Variants in PRKN observed in about 807,000 individuals in gnomAD.
PRKN encodes parkin RBR E3 ubiquitin protein ligase, also known as E3 ubiquitin-protein ligase parkin.
Under a neutral mutation model 59.5 loss-of-function variants are expected in PRKN, and 56 were observed. The ratio of observed to expected loss-of-function variants is 0.94; its 90% CI spans 0.76 to 1.18. The LOEUF (loss-of-function observed/expected upper bound fraction) is 1.18, where lower values mean the gene tolerates loss of function less well. Among genes scored for constraint, PRKN ranks in the 50% most tolerant of loss-of-function variants. PRKN has a pLI of 0.00. For synonymous variants in PRKN, 250 were observed against 222.1 expected (o/e 1.13, Z -1.12); for missense variants, 657 against 596.4 (o/e 1.10, Z -1.06).
chr6:161,661,947 C>G (rs1308955601), intron 7 of PRKN, among the ~76,000 whole-genome samples: 1 of 152,080 alleles, frequency 6.6e-6, no homozygotes, highest in Admixed American at 6.5e-5. Flanking sequence ...CATTTGAACT[C>G]AGGAGGCAGA....
chr6:162,245,039 G>A (rs1240565798), intron 3 of PRKN, among the ~76,000 whole-genome samples: 1 of 152,098 alleles, frequency 6.6e-6, no homozygotes, highest in Non-Finnish European at 1.5e-5. Context: ...TGTAATGGTT[G>A]CAGGGAGCAA....
At chr6:162,625,502 C>T (rs935421627) in intron 1 of PRKN, among the ~76,000 whole-genome samples, 1 of 152,140 alleles carries the variant, frequency 6.6e-6, no homozygotes, top group Non-Finnish European at 1.5e-5. Flanking sequence ...GATGAGAAGG[C>T]AAGTGTCTTC....
intron 7 of PRKN, among the ~76,000 whole-genome samples, chr6:161,628,226 T>A (rs1266104384): frequency 6.6e-6 from 1 of 152,224 alleles, no homozygotes; most frequent in Non-Finnish European, 1.5e-5. Flanking sequence ...TTTGAAGAAA[T>A]GAGTGTCTTA....
intron 1 of PRKN, among the ~76,000 whole-genome samples, chr6:162,616,758 A>G (rs952194747): frequency 2.6e-5 from 4 of 152,206 alleles, no homozygotes; most frequent in Non-Finnish European, 4.4e-5. Context: ...ACATCTTGAC[A>G]TATACATTAT....
At chr6:161,970,464 A>G (rs941295610) in intron 6 of PRKN, among the ~76,000 whole-genome samples, 8 of 151,904 alleles carry the variant, frequency 5.3e-5, no homozygotes, top group African/African-American at 1.9e-4. Context: ...CACACTGCAA[A>G]TAGGCATAAT....
chr6:162,554,425 T>A (rs1183663540), intron 1 of PRKN, among the ~76,000 whole-genome samples: 6 of 151,948 alleles, frequency 3.9e-5, no homozygotes, highest in Non-Finnish European at 7.4e-5. Flanking sequence ...TCACTTGAAC[T>A]CGGGAGGCAG....
At chr6:161,964,209 T>G (rs903345545) in intron 6 of PRKN, among the ~76,000 whole-genome samples, 1 of 152,030 alleles carries the variant, frequency 6.6e-6, no homozygotes, top group African/African-American at 2.4e-5. Context: ...TCAGATGTAA[T>G]TTTTTTAATG....
intron 6 of PRKN, among the ~76,000 whole-genome samples, chr6:161,967,764 G>C (rs140046900): frequency 6.6e-6 from 1 of 152,242 alleles, no homozygotes; most frequent in East Asian, 1.9e-4. Flanking sequence ...TCCCTAAGAG[G>C]TTCTCAGGAG....
intron 1 of PRKN, among the ~76,000 whole-genome samples, chr6:162,618,349 C>T (rs12207841): frequency 0.2 from 29,793 of 152,014 alleles, 3,565 homozygotes; most frequent in East Asian, 0.47. Flanking sequence ...CTATTTTAAG[C>T]GCTACTTGGT....
At position 161,409,941 on chromosome 6, in the gene PRKN, A is replaced by G. The variant is rs1375984106; in HGVS notation, c.1084-23064T>C. Among the ~76,000 whole-genome samples the G allele has an allele frequency of 6.6e-6, 1 of 152,188 alleles. No individual in the cohort carries two copies. The highest frequency in any genetic ancestry group is 1.5e-5 in the Non-Finnish European group (1 of 68,032). On this transcript the variant is annotated intron_variant, in intron 9 of 11. Coordinates refer to ENST00000366898, the MANE Select transcript of PRKN (RefSeq NM_004562.3). This position sits in a 1 kb window ranked among gnomAD's most constrained non-coding sequence, Gnocchi z 4.6. The stretch of plus-strand genomic sequence containing the variant: ...CAGGTGAGAAGCAGAATTGGAAAAT[A>G]TTTCAGGGAGTATTTGAAACAGGAA...
chr6:161,799,306 G>C (rs1039994277), intron 6 of PRKN, among the ~76,000 whole-genome samples: 4 of 152,208 alleles, frequency 2.6e-5, no homozygotes, highest in African/African-American at 9.6e-5. Flanking sequence ...CTGACAGTTT[G>C]ACTCAAGGAA....
At chr6:161,979,093 G>T (rs1343362698) in intron 5 of PRKN, among the ~76,000 whole-genome samples, 2 of 151,954 alleles carry the variant, frequency 1.3e-5, no homozygotes. Flanking sequence ...TATACCAATA[G>T]TCACTTCTGG....
chr6:162,100,447 TTCTTG>T (rs1296689913), intron 4 of PRKN, among the ~76,000 whole-genome samples: 1 of 151,446 alleles, frequency 6.6e-6, no homozygotes, highest in East Asian at 1.9e-4. Flanking sequence ...TCTCTTGTCT[TTCTTG>T]TCTTTTTTTT....
chr6:162,027,812 T>G (rs1300376361), intron 5 of PRKN, among the ~76,000 whole-genome samples: 1 of 151,298 alleles, frequency 6.6e-6, no homozygotes, highest in African/African-American at 2.4e-5. Flanking sequence ...GCTTAATACA[T>G]GGTTGTGGAA....
chr6:161,375,566 A>G (rs1785661369), intron 10 of PRKN, among the ~76,000 whole-genome samples: 1 of 151,876 alleles, frequency 6.6e-6, no homozygotes. Context: ...CGAAACACAC[A>G]CTCATTTCAT....
chr6:161,978,575 TTC>T (rs1391888244), intron 5 of PRKN, among the ~76,000 whole-genome samples: 1 of 152,246 alleles, frequency 6.6e-6, no homozygotes, highest in Non-Finnish European at 1.5e-5. Flanking sequence ...TGCCTCTGAA[TTC>T]TGTTTTGTTT....
chr6:161,458,756 C>T lies in PRKN; in HGVS notation c.1084-71879G>A, dbSNP rs779798419. On this transcript the variant is annotated intron_variant, in intron 9 of 11. Transcript: ENST00000366898. This position sits in a 1 kb window ranked among gnomAD's most constrained non-coding sequence, Gnocchi z 6.1. ...CTCCATGTCTGTGGAATTCTGTAGT[C>T]TGCATGTGTTAGGCTGTGGGTAGGC... Among the ~76,000 whole-genome samples the T allele has an allele frequency of 7.2e-5, 11 of 152,132 alleles. No individual in the cohort carries two copies. The highest frequency in any genetic ancestry group is 1.3e-4 in the Non-Finnish European group (9 of 68,038).
Position 161,518,441 on chromosome 6 carries a change from C to T in PRKN, c.1083+30413G>A, listed in dbSNP as rs1300287082. ...AGTCCCAGCTACTTGGGAGGCTGGG[C>T]AGCAGCCTGGGCAGCAAGGTCAAGT... On this transcript the variant is annotated intron_variant, in intron 9 of 11. Transcript: ENST00000366898. This position sits in a 1 kb window ranked among gnomAD's most constrained non-coding sequence, Gnocchi z 5.0. Among the ~76,000 whole-genome samples the T allele has an allele frequency of 1.3e-5, 2 of 152,192 alleles. No individual in the cohort carries two copies. The highest frequency in any genetic ancestry group is 2.9e-5 in the Non-Finnish European group (2 of 68,020).
At chr6:161,370,611 A>AAAAAAAAAAAAAAAAAAAG (rs1554253822) in intron 10 of PRKN, among the ~76,000 whole-genome samples, 3 of 146,964 alleles carry the variant, frequency 2.0e-5, no homozygotes, top group African/African-American at 8.0e-5. Flanking sequence ...AAAAAAAAAA[A>AAAAAAAAAAAAAAAAAAAG]GCCGAATTAG....
Sources: gnomAD v4.1 joint callset for allele counts (sites outside exome capture counted in the v4.1 genomes callset) on GRCh38, gnomAD v4.1.1 for gene constraint, Gnocchi (gnomAD v3.1) non-coding constraint, MANE v1.5 for transcripts, NCBI Gene and HGNC (gene_info 2026-07-23, HGNC 2026-07-21) for gene names.